The following PLOD3 variants were observed in gnomAD, a reference collection of about 807,000 sequenced individuals.
PLOD3 encodes the protein multifunctional procollagen lysine hydroxylase and glycosyltransferase LH3.
In PLOD3, 73 loss-of-function variants were observed where a neutral mutation model predicts 96.9. The observed-to-expected ratio is 0.75, with a 90% CI of 0.62 to 0.92. PLOD3 has a LOEUF of 0.92. Ranked by LOEUF, PLOD3 falls within the 40% of genes least tolerant of loss-of-function variation. The pLI, the probability that PLOD3 is intolerant of heterozygous loss-of-function variation, is 0.00. For missense variants in PLOD3, 1,004 were observed against 1,004.3 expected (o/e 1.00, Z 0.00); for synonymous variants, 454 against 413.7 (o/e 1.10, Z -1.18).
At position 101,210,333 on chromosome 7, in the gene PLOD3, C is replaced by T. The variant is rs779997156; in HGVS notation, c.1612G>A (p.Val538Ile). The T allele has an allele frequency of 8.1e-6, 13 of 1,612,530 alleles. No homozygotes were observed. The highest frequency in any genetic ancestry group is 2.2e-5 in the East Asian group (1 of 44,868). ...PDLWQIFDNP[V>I]DWKEQYIHEN... ...CTGGGCGTGGGGTCCCCACTCACGA[C>T]GGGGTTGTCGAAGATCTGCCAGAGG... The change falls in exon 14 of 19, where the codon GTC becomes ATC. Residue 538 changes from valine (V) to isoleucine (I), a missense_variant and splice_region_variant. By Grantham distance (29) the Val-to-Ile change is conservative. Transcript: ENST00000223127.
chr7:101,206,750 C>T (rs755464941), intron 18 of PLOD3, 29 bp downstream of exon 18: 38 of 1,571,492 alleles, frequency 2.4e-5, no homozygotes, highest in Non-Finnish European at 2.7e-5. Flanking sequence ...TGAGGTGAAG[C>T]GTGGGTGGGT....
At chr7:101,211,385 T>C in intron 12 of PLOD3, 1 of 581,184 alleles carries the variant, frequency 1.7e-6, no homozygotes, top group East Asian at 2.8e-5. Context: ...CTTGCTACGT[T>C]GCTCAGGCTG....
intron 12 of PLOD3, 171 bp from the exon 13 acceptor site, chr7:101,210,844 T>G (rs1035453399): frequency 3.5e-5 from 23 of 662,628 alleles, no homozygotes; most frequent in Non-Finnish European, 5.2e-5. Flanking sequence ...CAAAATGCGG[T>G]CAGTTCCTAC....
rs147726714 is a variant in PLOD3 at position 101,215,134 on chromosome 7, G to A, written c.634C>T (p.Leu212=). 1.9e-4 allele frequency: 314 copies of A among 1,612,622 alleles called. 2 individuals carry two copies. In the East Asian group the frequency reaches 7.0e-3, roughly 36 times the overall value. The part of the protein sequence containing the change: ...PGLREKLSLN[L]DHKSRIFQNL... ...TGAAAGATCCGAGACTTATGATCCA[G>A]ATTAAGGCTGAGTTTCTCCTAAATG... The change falls in exon 6 of 19, where the codon CTG becomes TTG. Residue 212 remains leucine, a synonymous_variant. Transcript: ENST00000223127.
At chr7:101,209,108 C>T in intron 15 of PLOD3, 151 bp from the exon 16 acceptor site, 1 of 686,378 alleles carries the variant, frequency 1.5e-6, no homozygotes, top group Non-Finnish European at 2.7e-6. Context: ...GAGGGAGTGG[C>T]AAGGCTGAGG....
intron 15 of PLOD3, chr7:101,209,810 G>A: frequency 5.5e-6 from 2 of 361,988 alleles, no homozygotes. Flanking sequence ...CAAAGTGCTG[G>A]GATTACAGGC....
At chr7:101,209,981 A>G in intron 15 of PLOD3, 112 bp downstream of exon 15, 1 of 625,894 alleles carries the variant, frequency 1.6e-6, no homozygotes, top group East Asian at 2.7e-5. Flanking sequence ...CTGAACAGAA[A>G]ACCCTCAGAT....
chr7:101,210,772 C>A, intron 12 of PLOD3, 99 bp from the exon 13 acceptor site: 1 of 1,380,160 alleles, frequency 7.2e-7, no homozygotes, highest in East Asian at 2.3e-5. Flanking sequence ...ATCCCAGTCC[C>A]TGAACATAAG....
In PLOD3 at chr7:101,216,394, T is replaced by C; in HGVS notation, c.338+16A>G. ...CTCAGCATCCTTACCCCGCTCCCTATCCCCAGCCCCGTTACCTATCCACAA... is the reference window on the plus strand; with the variant it reads ...CTCAGCATCCTTACCCCGCTCCCTACCCCCAGCCCCGTTACCTATCCACAA... On this transcript the variant is annotated intron_variant, in intron 3 of 18. Transcript: ENST00000223127. 6.2e-7 allele frequency: 1 copy of C among 1,613,986 alleles called. No individual in the cohort carries two copies. Among genetic ancestry groups the C allele is most frequent in the Non-Finnish European group, 8.5e-7 (1 of 1,179,934 alleles).
Position 101,211,873 on chromosome 7 carries a change from G to A in PLOD3, c.1205C>T (p.Thr402Ile), listed in dbSNP as rs1417773286. The A allele has an allele frequency of 6.2e-7, 1 of 1,612,842 alleles. No homozygotes were observed. Among genetic ancestry groups the A allele is most frequent in the Non-Finnish European group, 8.5e-7 (1 of 1,179,436 alleles). The change falls in exon 11 of 19, where the codon ACC (threonine) becomes ATC (isoleucine). Residue 402 changes from threonine to isoleucine, a missense_variant. This residue lies in a region of PLOD3 where 690 missense variants were observed against 650.2 expected (regional missense o/e 1.06). Transcript: ENST00000223127. ...DADAVLTNLQ[T>I]LRILIEENRK... ...GTTCTCCTCAATGAGGATACGCAGG[G>A]TCTGCAGGTTGGTGAGGACAGCGTC...
intron 11 of PLOD3, 43 bp downstream of exon 11, chr7:101,211,803 C>T (rs1335443148): frequency 6.3e-7 from 1 of 1,587,108 alleles, no homozygotes; most frequent in Admixed American, 1.8e-5. Context: ...TTCCCGGGGC[C>T]TGTTGGGGTG....
chr7:101,215,795 C>T, intron 5 of PLOD3, 113 bp downstream of exon 5: 5 of 767,876 alleles, frequency 6.5e-6, no homozygotes, highest in Non-Finnish European at 1.1e-5. Context: ...AGCCACCACG[C>T]CCAGGCACAC....
intron 17 of PLOD3, among the ~76,000 whole-genome samples, chr7:101,207,253 T>A (rs1798102573): frequency 6.6e-6 from 1 of 151,822 alleles, no homozygotes; most frequent in African/African-American, 2.4e-5. Context: ...TGGGATTACA[T>A]GTGTGAGCCA....
At position 101,216,756 on chromosome 7, in the gene PLOD3, G is replaced by C. The variant is rs767958979; in HGVS notation, c.140C>G (p.Ala47Gly). Residue 47 changes from alanine to glycine, a missense_variant, in exon 2 of 19, where the codon GCT becomes GGT. By Grantham distance (60) the Ala-to-Gly change is moderately conservative. Coordinates refer to ENST00000223127, the MANE Select transcript of PLOD3 (RefSeq NM_001084.5). ...GAAACGCAGGTACCCCTCGGTTTCA[G>C]CTGTGGCCACAGTGATCACCAGCAG... is the stretch of plus-strand genomic sequence containing the variant. Reference protein sequence around the residue: ...EKLLVITVATAETEGYLRFLR... With the variant: ...EKLLVITVATGETEGYLRFLR... 4 of 1,613,786 alleles carry C rather than the reference G, an allele frequency of 2.5e-6. No homozygotes were observed. The highest frequency in any genetic ancestry group is 4.5e-5 in the East Asian group (2 of 44,872).
Position 101,216,038 on chromosome 7 carries a change from T to C in PLOD3, c.503-18A>G. 1 of 1,610,398 alleles carries C rather than the reference T, an allele frequency of 6.2e-7. No homozygotes were observed. The highest frequency in any genetic ancestry group is 8.5e-7 in the Non-Finnish European group (1 of 1,177,346). ...GATGAATCCTGGCGGGGAGGGGGAG[T>C]GTTGACCTCGAGACTCCCAGGGTCC... On this transcript the variant is annotated intron_variant, in intron 4 of 18. Transcript: ENST00000223127.
At position 101,207,476 on chromosome 7, in the gene PLOD3, G is replaced by A; in HGVS notation, c.1935+102C>T. 7.1e-6 allele frequency: 9 copies of A among 1,260,470 alleles called. No individual in the cohort carries two copies. The South Asian group carries it at 1.2e-4, about 17-fold the overall frequency. 78.1% of individuals were successfully genotyped at this position (1,260,470 alleles called of 1,614,324 possible). On this transcript the variant is annotated intron_variant, in intron 17 of 18. Transcript: ENST00000223127. ...ATTCCCCTGGGAACTAAAATGCATG[G>A]AGCCCAAATGCTGCCGGGGCCGAAA...
rs778729482 is a variant in PLOD3, at chr7:101,212,517, AG to A, written c.1005+12del. 1 of 1,613,096 alleles carries A rather than the reference AG, an allele frequency of 6.2e-7. No individual in the cohort carries two copies. Among genetic ancestry groups the A allele is most frequent in the Non-Finnish European group, 8.5e-7 (1 of 1,179,468 alleles). On this transcript the variant is annotated intron_variant, in intron 9 of 18. Transcript: ENST00000223127. ...AGGGTCCCTCAGGAGAGGCTCCAAC[AG>A]GGGAGTCTCACGTTGTTGTGCAGGA...
At position 101,216,441 on chromosome 7, in the gene PLOD3, G is replaced by A. The variant is rs765849561; in HGVS notation, c.307C>T (p.Arg103Trp). Residue 103 changes from arginine (R) to tryptophan (W), a missense_variant, in exon 3 of 19, where the codon CGG (arginine) becomes TGG (tryptophan). This residue lies in a region of PLOD3 where 690 missense variants were observed against 650.2 expected (regional missense o/e 1.06). Coordinates refer to ENST00000223127, the MANE Select transcript of PLOD3 (RefSeq NM_001084.5). Reference protein sequence around the residue: ...LKKEMEKYADREDMIIMFVDS... With the variant: ...LKKEMEKYADWEDMIIMFVDS... Reference sequence around the variant, plus strand: ...ACAAACATGATGATCATATCCTCCCGGTCAGCGTATTTCTCCATTTCCTTC... The same window carrying A: ...ACAAACATGATGATCATATCCTCCCAGTCAGCGTATTTCTCCATTTCCTTC... 1.3e-5 allele frequency: 21 copies of A among 1,614,068 alleles called. 2 individuals are homozygous for A. The South Asian group carries it at 2.1e-4, about 16-fold the overall frequency.
Position 101,210,427 on chromosome 7 carries a change from C to A in PLOD3, c.1518G>T (p.Leu506=), listed in dbSNP as rs769402665. The A allele has an allele frequency of 5.0e-6, 8 of 1,614,100 alleles. No homozygotes were observed. The South Asian group carries it at 8.8e-5, about 18-fold the overall frequency. The change falls in exon 14 of 19, where the codon CTG becomes CTT. Residue 506 remains leucine, a synonymous_variant. Transcript: ENST00000223127. ...GCCGGCCAAATTCATGCTGATTGCT[C>A]AGATGGAGGAAGATGCCCTGTAGTG... is the stretch of plus-strand genomic sequence containing the variant. ...SFRDKGIFLH[L]SNQHEFGRLL... is the part of the protein sequence containing the mutation.
Sources: allele counts gnomAD v4.1 joint callset (sites outside exome capture counted in the v4.1 genomes callset), GRCh38; gene constraint gnomAD v4.1.1; regional missense constraint gnomAD v4.1.1; transcripts MANE v1.5; gene names NCBI Gene and HGNC (gene_info 2026-07-23, HGNC 2026-07-21).